SEC31A: variants seen among roughly 807,000 people sequenced by gnomAD.
SEC31A encodes the protein SEC31 homolog A, COPII component, also known as protein transport protein Sec31A.
In SEC31A, 70 loss-of-function variants were observed where a neutral mutation model predicts 151.0. The observed-to-expected ratio is 0.46, with a 90% CI of 0.38 to 0.57. The LOEUF (loss-of-function observed/expected upper bound fraction) is 0.57. Among genes scored for constraint, SEC31A ranks in the 20% least tolerant of loss-of-function variants. The pLI is 0.00. For synonymous variants in SEC31A, 475 were observed against 505.9 expected (o/e 0.94, Z 0.82); for missense variants, 1,330 against 1,471.2 (o/e 0.90, Z 1.57).
Position 82,875,752 on chromosome 4 carries a change from G to C in SEC31A, c.473C>G (p.Pro158Arg). 2 of 1,604,618 alleles carry C rather than the reference G, an allele frequency of 1.2e-6. No individual in the cohort carries two copies. Among genetic ancestry groups the C allele is most frequent in the South Asian group, 1.1e-5 (1 of 89,278 alleles). Reference sequence around the variant, plus strand: ...CTGTGTTTTGGCTCCTGGTGTCATTGGGGTTGCAAAATTATTTAGATCCCA... The same window carrying C: ...CTGTGTTTTGGCTCCTGGTGTCATTCGGGTTGCAAAATTATTTAGATCCCA... ...YIWDLNNFATPMTPGAKTQPP... is the reference protein window; with the variant it reads ...YIWDLNNFATRMTPGAKTQPP... The change falls in exon 5 of 27, where the codon CCA becomes CGA. Residue 158 changes from proline (P) to arginine (R), a missense_variant. Physicochemically the swap from Pro to Arg is moderately radical, Grantham distance 103 (BLOSUM62 -2). Transcript: ENST00000395310.
intron 1 of SEC31A, among the ~76,000 whole-genome samples, chr4:82,889,222 C>T (rs1741667063): frequency 6.6e-6 from 1 of 152,174 alleles, no homozygotes; most frequent in African/African-American, 2.4e-5. Flanking sequence ...AACCTAATGA[C>T]ATTCCTAACA....
At position 82,874,704 on chromosome 4, in the gene SEC31A, A is replaced by G. The variant is rs539581495; in HGVS notation, c.546T>C (p.His182=). 29 of 1,613,296 alleles carry G rather than the reference A, an allele frequency of 1.8e-5. No homozygotes were observed. In the South Asian group the frequency reaches 3.1e-4, roughly 17 times the overall value. The change falls in exon 6 of 27, where the codon CAT becomes CAC. Residue 182 remains histidine, a synonymous_variant. Coordinates refer to ENST00000395310, the MANE Select transcript of SEC31A (RefSeq NM_001077207.4). ...CACTGGGACTGGCTGATGCTAAAAT[A>G]TGCTGAACTTGTCTGTTCCATGCAA... is the stretch of plus-strand genomic sequence containing the variant. ...SCIAWNRQVQ[H]ILASASPSGR... is the part of the protein sequence containing the mutation.
intron 23 of SEC31A, among the ~76,000 whole-genome samples, chr4:82,828,075 C>T (rs1043230395): frequency 1.3e-5 from 2 of 152,142 alleles, no homozygotes; most frequent in African/African-American, 4.8e-5. Context: ...CCACCACGCC[C>T]AGCTAATTTT....
chr4:82,882,804 C>A (rs546857698), intron 1 of SEC31A, among the ~76,000 whole-genome samples: 2 of 152,302 alleles, frequency 1.3e-5, no homozygotes, highest in African/African-American at 4.8e-5. Flanking sequence ...CACTTGTTTA[C>A]GTATTTTCTG....
intron 16 of SEC31A, among the ~76,000 whole-genome samples, chr4:82,856,676 A>G (rs1017011310): frequency 1.3e-5 from 2 of 152,146 alleles, no homozygotes; most frequent in African/African-American, 2.4e-5. Context: ...GCTTGAACCC[A>G]GAAGGTGGAG....
chr4:82,836,156 C>T (rs1186140462), intron 22 of SEC31A, among the ~76,000 whole-genome samples: 1 of 151,942 alleles, frequency 6.6e-6, no homozygotes, highest in Non-Finnish European at 1.5e-5. Context: ...GGGTGGATCA[C>T]AAGGTCAGGA....
At chr4:82,856,834 T>A (rs188918758) in intron 16 of SEC31A, 118 bp downstream of exon 16, 4 of 840,858 alleles carry the variant, frequency 4.8e-6, no homozygotes, top group Admixed American at 3.2e-5. Flanking sequence ...CAAGGAATTA[T>A]GAATGAGCTT....
chr4:82,820,803 T>C (rs1328527400), intron 26 of SEC31A, among the ~76,000 whole-genome samples: 2 of 152,096 alleles, frequency 1.3e-5, no homozygotes, highest in Non-Finnish European at 2.9e-5. Context: ...ATACTCTTGT[T>C]ATGAGAGGGT....
Position 82,865,332 on chromosome 4 carries a change from T to C in SEC31A, c.1198-734A>G, listed in dbSNP as rs187179965. Among the ~76,000 whole-genome samples, 475 of 152,078 alleles carry C rather than the reference T, an allele frequency of 3.1e-3. 6 individuals carry two copies. The highest frequency in any genetic ancestry group is 0.011 in the African/African-American group (439 of 41,466). On this transcript the variant is annotated intron_variant, in intron 10 of 26. Transcript: ENST00000395310. Reference sequence around the variant, plus strand: ...GTAAAATGGTAAAACGGCTATAAAATGGTATGGAGGTTCTTCAAAAACTTA... The same window carrying C: ...GTAAAATGGTAAAACGGCTATAAAACGGTATGGAGGTTCTTCAAAAACTTA...
At chr4:82,827,148 C>T (rs763361181) in intron 24 of SEC31A, among the ~76,000 whole-genome samples, 34 of 152,282 alleles carry the variant, frequency 2.2e-4, no homozygotes, top group African/African-American at 3.9e-4. Flanking sequence ...AGTAAACAAA[C>T]GCTCTCAAAT....
chr4:82,892,922 CTT>C (rs1312171599), upstream of SEC31A: 1 of 152,170 alleles, frequency 6.6e-6, no homozygotes, highest in Non-Finnish European at 1.5e-5. Context: ...AAGAAAAACT[CTT>C]TAGTTCACAA....
chr4:82,846,982 A>G (rs142868489), intron 20 of SEC31A, among the ~76,000 whole-genome samples: 92 of 152,216 alleles, frequency 6.0e-4, no homozygotes, highest in African/African-American at 2.1e-3. Context: ...CCTAACGTAC[A>G]GGGATTACAG....
intron 16 of SEC31A, 66 bp downstream of exon 16, chr4:82,856,885 AT>A: frequency 2.3e-6 from 3 of 1,312,382 alleles, no homozygotes; most frequent in Non-Finnish European, 3.2e-6. Flanking sequence ...GTTATCTATA[AT>A]AACAGTGTAT....
At chr4:82,842,687 G>T (rs1560604214) in intron 21 of SEC31A, 2 of 514,384 alleles carry the variant, frequency 3.9e-6, no homozygotes, top group East Asian at 3.2e-5. Context: ...TTTGAAAAAT[G>T]CCATCCCCAA....
intron 25 of SEC31A, among the ~76,000 whole-genome samples, chr4:82,822,143 T>C (rs1487204312): frequency 6.6e-6 from 1 of 152,234 alleles, no homozygotes; most frequent in African/African-American, 2.4e-5. Context: ...CAGCCTTATG[T>C]TAGTTCAATA....
intron 25 of SEC31A, among the ~76,000 whole-genome samples, chr4:82,821,645 A>AGAG (rs1723388094): frequency 6.6e-6 from 1 of 150,614 alleles, no homozygotes; most frequent in Non-Finnish European, 1.5e-5. Flanking sequence ...TGGGATGAGG[A>AGAG]GAGGATGAGA....
intron 21 of SEC31A, 46 bp downstream of exon 21, chr4:82,844,340 G>GAT: frequency 1.3e-6 from 2 of 1,585,250 alleles, no homozygotes; most frequent in Non-Finnish European, 1.7e-6. Context: ...TACTAAATTA[G>GAT]ATCATAAATA....
chr4:82,830,717 T>C (rs752143831), intron 22 of SEC31A, among the ~76,000 whole-genome samples: 1 of 152,174 alleles, frequency 6.6e-6, no homozygotes, highest in Non-Finnish European at 1.5e-5. Flanking sequence ...TATGTCTATA[T>C]AAAACAGACA....
At chr4:82,857,661 T>A in intron 15 of SEC31A, 28 bp downstream of exon 15, 1 of 1,400,348 alleles carries the variant, frequency 7.1e-7, no homozygotes, top group Non-Finnish European at 1.0e-6. Context: ...TTAAAAAAAA[T>A]TAGAAATCAA....
Sources: allele counts gnomAD v4.1 joint callset (sites outside exome capture counted in the v4.1 genomes callset), GRCh38; gene constraint gnomAD v4.1.1; transcripts MANE v1.5; gene names NCBI Gene and HGNC (gene_info 2026-07-23, HGNC 2026-07-21).